Variants in CSMD3 observed in about 807,000 individuals in gnomAD.
The protein encoded by CSMD3 is CUB and Sushi multiple domains 3.
CSMD3 carries 177 observed loss-of-function variants against 435.2 expected under a neutral mutation model. That is an observed-to-expected ratio of 0.41 (90% CI 0.36 to 0.46). CSMD3 has a LOEUF of 0.46. CSMD3 is among the 20% of genes least tolerant of loss of function. The pLI is 0.34. For missense variants in CSMD3, 4,265 were observed against 4,504.6 expected, an observed-to-expected ratio of 0.95 and a Z score of 1.52; for synonymous variants, 1,656 against 1,520.5, an observed-to-expected ratio of 1.09 and a Z score of -2.07.
intron 21 of CSMD3, 49 bp downstream of exon 21, chr8:112,638,647 G>A: frequency 2.7e-6 from 3 of 1,099,652 alleles, no homozygotes; most frequent in Non-Finnish European, 4.2e-6. Flanking sequence ...TTGAAAAATT[G>A]CTTTTTTAAA....
intron 63 of CSMD3, among the ~76,000 whole-genome samples, chr8:112,249,527 C>T (rs982863858): frequency 6.6e-6 from 1 of 152,044 alleles, no homozygotes; most frequent in African/African-American, 2.4e-5. Context: ...TAATTTGTCT[C>T]CATTTCTCAC....
chr8:112,343,005 A>ATG (rs1241245955), intron 41 of CSMD3, among the ~76,000 whole-genome samples: 2 of 96,038 alleles, frequency 2.1e-5, no homozygotes, highest in South Asian at 5.9e-4. Context: ...ATATATTTAT[A>ATG]TATATATATA....
At chr8:112,623,076 C>T (rs533320947) in intron 22 of CSMD3, among the ~76,000 whole-genome samples, 20 of 151,944 alleles carry the variant, frequency 1.3e-4, no homozygotes, top group South Asian at 4.2e-4. Context: ...TTCAGAACAA[C>T]ATAGAAAAAT....
chr8:112,650,257 A>T lies in CSMD3; in HGVS notation c.3097T>A (p.Ser1033Thr), dbSNP rs1264173649. Residue 1033 changes from serine (S) to threonine (T), a missense_variant, in exon 19 of 71, where the codon TCA becomes ACA. Coordinates refer to ENST00000297405, the MANE Select transcript of CSMD3 (RefSeq NM_198123.2). Reference sequence around the variant, plus strand: ...CTGTATCCTGAATCACAACTAAATGAAACAGTAGAGCCAATGGAGAAATCA... The same window carrying T: ...CTGTATCCTGAATCACAACTAAATGTAACAGTAGAGCCAATGGAGAAATCA... The part of the protein sequence containing the change: ...GHDFSIGSTV[S>T]FSCDSGYRLS... The T allele has an allele frequency of 1.2e-6, 2 of 1,613,934 alleles. No homozygotes were observed. The highest frequency in any genetic ancestry group is 2.2e-5 in the South Asian group (2 of 91,074).
chr8:112,970,542 A>G (rs2084612532), intron 7 of CSMD3, among the ~76,000 whole-genome samples: 1 of 151,940 alleles, frequency 6.6e-6, no homozygotes, highest in Non-Finnish European at 1.5e-5. Context: ...TAAAAAGTCA[A>G]TTATTTTTAA....
chr8:112,980,790 A>G (rs2085022666), intron 6 of CSMD3, among the ~76,000 whole-genome samples: 1 of 151,538 alleles, frequency 6.6e-6, no homozygotes, highest in East Asian at 1.9e-4. Flanking sequence ...CTAGTTGCGA[A>G]AATAATTGAA....
chr8:113,257,788 G>A (rs1430634620), intron 3 of CSMD3, among the ~76,000 whole-genome samples: 1 of 152,136 alleles, frequency 6.6e-6, no homozygotes, highest in Non-Finnish European at 1.5e-5. Flanking sequence ...TGTATCAAGT[G>A]TAGAAACATA....
intron 5 of CSMD3, among the ~76,000 whole-genome samples, chr8:113,057,346 TAATTTAGAAAAGCTTCTGAA>T (rs1352511038): frequency 1.3e-5 from 2 of 152,216 alleles, no homozygotes; most frequent in Non-Finnish European, 2.9e-5. Flanking sequence ...ATACAGAGTC[TAATTTAGAAAAGCTTCTGAA>T]AATGTAATTG....
At chr8:112,913,806 G>A (rs931221240) in intron 10 of CSMD3, among the ~76,000 whole-genome samples, 1 of 150,688 alleles carries the variant, frequency 6.6e-6, no homozygotes, top group Admixed American at 6.6e-5. Context: ...CTTTCTTTCT[G>A]TCCTTTTTGA....
At chr8:112,608,748 G>C (rs1832994128) in intron 22 of CSMD3, among the ~76,000 whole-genome samples, 1 of 151,866 alleles carries the variant, frequency 6.6e-6, no homozygotes, top group African/African-American at 2.4e-5. Context: ...ATATGAAGGG[G>C]AAAGAACAGT....
At chr8:112,475,423 G>T (rs1818948173) in intron 31 of CSMD3, among the ~76,000 whole-genome samples, 1 of 152,052 alleles carries the variant, frequency 6.6e-6, no homozygotes, top group South Asian at 2.1e-4. Context: ...GTTAGATTCT[G>T]TTATTTGTAC....
At chr8:112,448,666 TG>T (rs745609662) in intron 32 of CSMD3, among the ~76,000 whole-genome samples, 8 of 151,918 alleles carry the variant, frequency 5.3e-5, no homozygotes, top group Non-Finnish European at 8.8e-5. Context: ...ATTACATTTC[TG>T]TGTTAAGTTG....
chr8:112,410,676 GTATATATATA>G (rs369954404), intron 32 of CSMD3, among the ~76,000 whole-genome samples: 2 of 44,896 alleles, frequency 4.5e-5, no homozygotes, highest in South Asian at 1.2e-3. Context: ...ATATATATGT[GTATATATATA>G]TGTATATATA....
At chr8:112,908,683 T>C (rs1419161532) in intron 10 of CSMD3, among the ~76,000 whole-genome samples, 2 of 151,540 alleles carry the variant, frequency 1.3e-5, no homozygotes, top group Non-Finnish European at 1.5e-5. Context: ...AAGTCAAATG[T>C]GGTCTTTGGT....
intron 11 of CSMD3, among the ~76,000 whole-genome samples, chr8:112,846,850 T>A (rs1270848916): frequency 6.6e-6 from 1 of 152,072 alleles, no homozygotes; most frequent in Admixed American, 6.6e-5. Context: ...TGGTAGGGGT[T>A]AGGAATAGTT....
At chr8:113,415,228 A>G (rs1451302921) in intron 1 of CSMD3, among the ~76,000 whole-genome samples, 1 of 152,184 alleles carries the variant, frequency 6.6e-6, no homozygotes, top group Non-Finnish European at 1.5e-5. Flanking sequence ...CAAATGTCTT[A>G]AGGACAGTTT....
intron 11 of CSMD3, among the ~76,000 whole-genome samples, chr8:112,845,088 T>A (rs935444179): frequency 7.9e-5 from 12 of 152,112 alleles, no homozygotes; most frequent in Middle Eastern, 3.4e-3. Flanking sequence ...ACTTTGTTGG[T>A]AAGAACCAGA....
chr8:112,246,829 T>G (rs928533137), intron 64 of CSMD3, among the ~76,000 whole-genome samples, 191 bp downstream of exon 64: 1 of 152,176 alleles, frequency 6.6e-6, no homozygotes, highest in East Asian at 1.9e-4. Context: ...GCTTTCTGAC[T>G]TACTTAGAGA....
chr8:112,522,404 A>C (rs940621392), intron 27 of CSMD3, among the ~76,000 whole-genome samples: 5 of 151,924 alleles, frequency 3.3e-5, no homozygotes, highest in Non-Finnish European at 7.4e-5. Context: ...CAATGCCATC[A>C]ATCTTCTTCA....
Sources: gnomAD v4.1 joint callset for allele counts (sites outside exome capture counted in the v4.1 genomes callset) on GRCh38, gnomAD v4.1.1 for gene constraint, MANE v1.5 for transcripts, NCBI Gene and HGNC (gene_info 2026-07-23, HGNC 2026-07-21) for gene names.